Variants in NEU3 observed in about 807,000 individuals in gnomAD.
NEU3 encodes neuraminidase 3.
A neutral mutation model predicts 11.4 loss-of-function variants in NEU3; 10 were observed. The observed-to-expected ratio is 0.88, with a 90% CI of 0.54 to 1.49. The LOEUF (loss-of-function observed/expected upper bound fraction) is 1.49. NEU3 is among the 40% of genes most tolerant of loss of function. The pLI, the probability that NEU3 is intolerant of heterozygous loss-of-function variation, is 0.00. For synonymous variants in NEU3, 212 were observed against 228.2 expected (o/e 0.93, Z 0.64); for missense variants, 529 against 581.8 (o/e 0.91, Z 0.93).
intron 1 of NEU3, among the ~76,000 whole-genome samples, chr11:74,994,173 A>C (rs1383247718): frequency 1.3e-5 from 2 of 152,214 alleles, no homozygotes; most frequent in Non-Finnish European, 2.9e-5. Flanking sequence ...CTCCAAGCCA[A>C]GAAGTTGATA....
chr11:75,014,745 G>A (rs748011028), downstream of NEU3, among the ~76,000 whole-genome samples: 1 of 151,998 alleles, frequency 6.6e-6, no homozygotes, highest in African/African-American at 2.4e-5. Flanking sequence ...CGCACCTGTA[G>A]TCCCAGCTAC....
At chr11:75,000,946 G>A (rs145062335) in intron 2 of NEU3, among the ~76,000 whole-genome samples, 3 of 152,082 alleles carry the variant, frequency 2.0e-5, no homozygotes, top group African/African-American at 7.2e-5. Flanking sequence ...TATCTCTTTG[G>A]GACCTTGCTT....
chr11:74,981,071 G>C, the NEU3 span, among the ~76,000 whole-genome samples: 1 of 152,212 alleles, frequency 6.6e-6, no homozygotes, highest in Non-Finnish European at 1.5e-5. Context: ...GGCAACTGTT[G>C]GGCTGTCTTA....
chr11:75,020,382 A>T (rs546439354), downstream of NEU3, among the ~76,000 whole-genome samples: 1 of 152,126 alleles, frequency 6.6e-6, no homozygotes, highest in Non-Finnish European at 1.5e-5. Context: ...GAATGATATG[A>T]TTTGGCTGTT....
intron 2 of NEU3, among the ~76,000 whole-genome samples, chr11:75,003,536 G>A (rs957333487): frequency 2.6e-5 from 4 of 152,088 alleles, no homozygotes; most frequent in African/African-American, 9.7e-5. Flanking sequence ...CATTTCTGAT[G>A]CAAAAGGTAG....
chr11:74,994,763 T>G, intron 2 of NEU3, 43 bp downstream of exon 2: 16 of 1,543,180 alleles, frequency 1.0e-5, no homozygotes, highest in African/African-American at 1.4e-5. Flanking sequence ...TCAGTTTCTC[T>G]TCACAAAGCT....
At chr11:75,000,370 C>T (rs1406319728) in intron 2 of NEU3, among the ~76,000 whole-genome samples, 2 of 152,176 alleles carry the variant, frequency 1.3e-5, no homozygotes, top group Non-Finnish European at 2.9e-5. Flanking sequence ...AAAGTCTACA[C>T]CCATTAAACA....
chr11:74,995,209 A>G (rs945839816), intron 2 of NEU3, among the ~76,000 whole-genome samples: 2 of 152,220 alleles, frequency 1.3e-5, no homozygotes, highest in African/African-American at 4.8e-5. Context: ...CTTGCTCAGG[A>G]CCACATTTAG....
chr11:75,005,904 G>A lies in NEU3; in HGVS notation c.798G>A (p.Gly266=), dbSNP rs780666537. 5.6e-6 allele frequency: 9 copies of A among 1,613,516 alleles called. No homozygotes were observed. The African/African-American group carries it at 1.2e-4, about 22-fold the overall frequency. Residue 266 remains glycine (G), a synonymous_variant, in exon 3 of 3, where the codon GGG becomes GGA. Coordinates refer to ENST00000294064, the MANE Select transcript of NEU3 (RefSeq NM_006656.6). ...AATGTGAAGTGGCAGAGGTGACTGGGAGGGCTGGCCACCCTGTGCTATATT... is the reference window on the plus strand; with the variant it reads ...AATGTGAAGTGGCAGAGGTGACTGGAAGGGCTGGCCACCCTGTGCTATATT... The part of the protein sequence containing the change: ...TVECEVAEVT[G]RAGHPVLYCS...
chr11:75,007,771 T>G lies in NEU3; in HGVS notation c.*1279T>G, dbSNP rs1197522960. ...CACGTTGGTTGTTCCTATCTTAGAT[T>G]GTTTCTCCCATAGCCTGTTATTGCA... On this transcript the variant is annotated 3_prime_UTR_variant, in exon 3 of 3. Coordinates refer to ENST00000294064, the MANE Select transcript of NEU3 (RefSeq NM_006656.6). 2.0e-5 allele frequency: 3 copies of G among 152,214 alleles called. No homozygotes were observed. The highest frequency in any genetic ancestry group is 1.5e-5 in the Non-Finnish European group (1 of 68,040). 9.4% of individuals were successfully genotyped at this position (152,214 alleles called of 1,614,324 possible).
rs539787596 is a variant in NEU3, at chr11:74,997,856, CTG to C, written c.306+3138_306+3139del. Among the ~76,000 whole-genome samples the C allele has an allele frequency of 4.8e-4, 27 of 56,512 alleles. No individual in the cohort carries two copies. In the South Asian group the frequency reaches 0.018, roughly 38 times the overall value. The allele number at this position is 56,512 out of a possible 152,430, so 37.1% of individuals were successfully genotyped here. On this transcript the variant is annotated intron_variant, in intron 2 of 2. Coordinates refer to ENST00000294064, the MANE Select transcript of NEU3 (RefSeq NM_006656.6). ...CCAGCCTGGGTGACAAAGGGAGACT[CTG>C]TTTCAAAAAAAAAAAAGAACTTTTT...
rs1948892326 is a variant in NEU3, at chr11:75,005,881, T to C, written c.775T>C (p.Cys259Arg). The C allele has an allele frequency of 1.9e-6, 3 of 1,613,784 alleles. No homozygotes were observed. The highest frequency in any genetic ancestry group is 2.5e-6 in the Non-Finnish European group (3 of 1,179,874). The change falls in exon 3 of 3, where the codon TGT becomes CGT. Residue 259 changes from cysteine (C) to arginine (R), a missense_variant. By Grantham distance (180) the Cys-to-Arg change is radical (BLOSUM62 -3). Coordinates refer to ENST00000294064, the MANE Select transcript of NEU3 (RefSeq NM_006656.6). ...RLIRPMVTVE[C>R]EVAEVTGRAG... ...CATTAGGCCCATGGTTACAGTAGAATGTGAAGTGGCAGAGGTGACTGGGAG... is the reference window on the plus strand; with the variant it reads ...CATTAGGCCCATGGTTACAGTAGAACGTGAAGTGGCAGAGGTGACTGGGAG...
At chr11:74,987,487 A>G (rs1948677110), upstream of NEU3, among the ~76,000 whole-genome samples, 1 of 152,014 alleles carries the variant, frequency 6.6e-6, no homozygotes, top group East Asian at 1.9e-4. Flanking sequence ...TTTTCATGGA[A>G]CCCTGGTTCC....
intron 2 of NEU3, 36 bp from the exon 3 acceptor site, chr11:75,005,377 T>C: frequency 1.3e-6 from 2 of 1,514,488 alleles, no homozygotes; most frequent in Non-Finnish European, 1.8e-6. Flanking sequence ...TTCCTATTAG[T>C]ATCTCACTCC....
upstream of NEU3, among the ~76,000 whole-genome samples, chr11:74,985,422 A>G (rs1362978834): frequency 6.6e-6 from 1 of 152,184 alleles, no homozygotes; most frequent in Admixed American, 6.5e-5. Context: ...TCCATTATAT[A>G]TATGGATATA....
chr11:75,018,304 G>T (rs939448166), intron 3 of NEU3, among the ~76,000 whole-genome samples: 1 of 152,052 alleles, frequency 6.6e-6, no homozygotes, highest in African/African-American at 2.4e-5. Context: ...AACTTGATTG[G>T]ATTGAGAGAT....
chr11:75,010,636 GGGAAAATTTAT>G lies in NEU3; in HGVS notation c.*4147_*4157del, dbSNP rs1222515571. The G allele has an allele frequency of 6.6e-6, 1 of 152,160 alleles. No homozygotes were observed. The highest frequency in any genetic ancestry group is 1.5e-5 in the Non-Finnish European group (1 of 68,032). 9.4% of individuals were successfully genotyped at this position (152,160 alleles called of 1,614,324 possible). ...GGATCACAGCCCAAAAGGCACAGTGGGGAAAATTTATGGCCTATTCCAGAAGAGTGAGCAGC... is the reference window on the plus strand; with the variant it reads ...GGATCACAGCCCAAAAGGCACAGTGGGGCCTATTCCAGAAGAGTGAGCAGC... On this transcript the variant is annotated 3_prime_UTR_variant, in exon 3 of 3. Transcript: ENST00000294064.
intron 3 of NEU3, among the ~76,000 whole-genome samples, chr11:75,017,196 A>T (rs1263656229): frequency 6.6e-6 from 1 of 152,200 alleles, no homozygotes; most frequent in Non-Finnish European, 1.5e-5. Context: ...AAGGCCAGTG[A>T]GTATCCCAGT....
At chr11:75,004,356 G>C in intron 2 of NEU3, 1 of 653,404 alleles carries the variant, frequency 1.5e-6, no homozygotes, top group Non-Finnish European at 2.7e-6. Flanking sequence ...CTGGACTCAA[G>C]CTATTCTAAA....
Sources: allele counts gnomAD v4.1 joint callset (sites outside exome capture counted in the v4.1 genomes callset), GRCh38; gene constraint gnomAD v4.1.1; transcripts MANE v1.5; gene names NCBI Gene and HGNC (gene_info 2026-07-23, HGNC 2026-07-21).